The following TOGARAM2 variants were observed in gnomAD, a reference collection of about 807,000 sequenced individuals.
TOGARAM2 encodes TOG array regulator of axonemal microtubules 2.
Under a neutral mutation model 93.3 loss-of-function variants are expected in TOGARAM2, and 85 were observed. The ratio of observed to expected loss-of-function variants is 0.91; its 90% CI spans 0.76 to 1.09. The LOEUF (loss-of-function observed/expected upper bound fraction) is 1.09. Ranked by LOEUF, TOGARAM2 falls within the 50% of genes least tolerant of loss-of-function variation. TOGARAM2 has a pLI of 0.00. For missense variants in TOGARAM2, 1,277 were observed against 1,334.5 expected, an observed-to-expected ratio of 0.96 and a Z score of 0.67; for synonymous variants, 593 against 552.8, an observed-to-expected ratio of 1.07 and a Z score of -1.02.
chr2:29,044,582 C>T (rs575980641), intron 18 of TOGARAM2, among the ~76,000 whole-genome samples: 1 of 152,154 alleles, frequency 6.6e-6, no homozygotes, highest in African/African-American at 2.4e-5. Flanking sequence ...GACCTGCAGG[C>T]TTTTGGTTAC....
At chr2:28,998,357 T>C (rs1321982646) in intron 3 of TOGARAM2, 104 bp downstream of exon 3, 1 of 735,476 alleles carries the variant, frequency 1.4e-6, no homozygotes. Flanking sequence ...CAGCAGGTGT[T>C]ATTTTTCCTG....
chr2:29,017,903 T>C lies in TOGARAM2; in HGVS notation c.1307T>C (p.Leu436Pro), dbSNP rs192390933. ...AGGAAGTGGGCCAGCCGGGCCTCCCTGCCCAGCATCCCCATCAGCCGGCAG... is the reference window on the plus strand; with the variant it reads ...AGGAAGTGGGCCAGCCGGGCCTCCCCGCCCAGCATCCCCATCAGCCGGCAG... The part of the protein sequence containing the change: ...ILRKWASRAS[L>P]PSIPISRQEP... Residue 436 changes from leucine to proline, a missense_variant, in exon 10 of 20, where the codon CTG (leucine) becomes CCG (proline). Transcript: ENST00000379558. 1,359 of 1,612,276 alleles carry C rather than the reference T, an allele frequency of 8.4e-4. 12 individuals carry two copies. The African/African-American group carries it at 0.016, about 19-fold the overall frequency.
chr2:29,014,524 C>T lies in TOGARAM2; in HGVS notation c.1007C>T (p.Pro336Leu), dbSNP rs777213644. The change falls in exon 8 of 20, where the codon CCG becomes CTG. Residue 336 changes from proline to leucine, a missense_variant. By Grantham distance (98) the Pro-to-Leu change is moderately conservative (BLOSUM62 -3). Coordinates refer to ENST00000379558, the MANE Select transcript of TOGARAM2 (RefSeq NM_199280.4). ...GACTGTGCCAGAGAAGCCTGCCCTC[C>T]GCTGAAAGAAGAGGACCAGAAGGAG... ...SFDCAREACPPLKEEDQKEIG... is the reference protein window; with the variant it reads ...SFDCAREACPLLKEEDQKEIG... 3.2e-5 allele frequency: 51 copies of T among 1,573,210 alleles called. No homozygotes were observed. Among genetic ancestry groups the T allele is most frequent in the Middle Eastern group, 1.7e-4 (1 of 6,040 alleles).
intron 4 of TOGARAM2, among the ~76,000 whole-genome samples, chr2:29,001,979 G>A (rs1334903143): frequency 2.0e-5 from 3 of 152,150 alleles, no homozygotes; most frequent in African/African-American, 7.2e-5. Context: ...AGATGGGGTG[G>A]GGCACAGGGC....
chr2:28,976,563 G>C (rs549391314), upstream of TOGARAM2, among the ~76,000 whole-genome samples: 12 of 152,302 alleles, frequency 7.9e-5, no homozygotes, highest in Non-Finnish European at 1.5e-4. Context: ...AGGAGGGAGA[G>C]GCACACCCCA....
intron 7 of TOGARAM2, among the ~76,000 whole-genome samples, chr2:29,013,036 G>C (rs777740622): frequency 6.6e-6 from 1 of 152,234 alleles, no homozygotes; most frequent in Non-Finnish European, 1.5e-5. Flanking sequence ...CCAGAGGTAA[G>C]ATGCCTTTTC....
At chr2:28,957,553 A>G (rs950758600) in intron 1 of TOGARAM2, among the ~76,000 whole-genome samples, 2 of 152,234 alleles carry the variant, frequency 1.3e-5, no homozygotes, top group African/African-American at 4.8e-5. Context: ...TACAATGATG[A>G]TGATTTTTTA....
chr2:28,980,510 G>T (rs1672138075), upstream of TOGARAM2, among the ~76,000 whole-genome samples: 1 of 152,232 alleles, frequency 6.6e-6, no homozygotes, highest in Non-Finnish European at 1.5e-5. Context: ...CATACAAATT[G>T]AGTCCTTGGC....
chr2:29,030,863 C>A lies in TOGARAM2; in HGVS notation c.2013-2071C>A, dbSNP rs147887465. On this transcript the variant is annotated intron_variant, in intron 14 of 19. Transcript: ENST00000379558. Reference sequence around the variant, plus strand: ...CGAGCATCAGTCCCCATTTCTAAAGCCTCCATGGGACCCACCATCTGATGT... The same window carrying A: ...CGAGCATCAGTCCCCATTTCTAAAGACTCCATGGGACCCACCATCTGATGT... Among the ~76,000 whole-genome samples the A allele has an allele frequency of 3.2e-3, 494 of 152,296 alleles. 2 individuals are homozygous for A. Among genetic ancestry groups the A allele is most frequent in the African/African-American group, 0.011 (470 of 41,550 alleles).
At chr2:29,042,890 G>T (rs1178825655) in intron 18 of TOGARAM2, among the ~76,000 whole-genome samples, 1 of 152,230 alleles carries the variant, frequency 6.6e-6, no homozygotes, top group Non-Finnish European at 1.5e-5. Flanking sequence ...CCCATGTTAC[G>T]ACTGTGATAA....
At chr2:29,045,805 C>T (rs538251503) in intron 19 of TOGARAM2, 1 of 253,488 alleles carries the variant, frequency 3.9e-6, no homozygotes, top group South Asian at 4.3e-5. Flanking sequence ...GAAAATATTC[C>T]AAAATCAGAA....
At chr2:28,960,386 A>T (rs915280009) in intron 1 of TOGARAM2, among the ~76,000 whole-genome samples, 5 of 151,920 alleles carry the variant, frequency 3.3e-5, no homozygotes, top group African/African-American at 1.2e-4. Flanking sequence ...TTAATTTTTA[A>T]TTTTTTTTGA....
intron 1 of TOGARAM2, among the ~76,000 whole-genome samples, chr2:28,990,991 GGTGTGTGTGTGTGTGTGTGT>G (rs70958233): frequency 1.5e-4 from 18 of 119,810 alleles, no homozygotes; most frequent in South Asian, 9.6e-4. Context: ...GTGTGTGAAG[GGTGTGTGTGTGTGTGTGTGT>G]GTGTGTGTGT....
intron 5 of TOGARAM2, 134 bp from the exon 6 acceptor site, chr2:29,003,358 C>A: frequency 3.1e-6 from 2 of 642,244 alleles, no homozygotes; most frequent in Non-Finnish European, 4.8e-6. Context: ...AGGAAGCAGT[C>A]AGGCTTCTGG....
rs1252386227 is a variant in TOGARAM2, at chr2:29,024,260, A to T, written c.1739A>T (p.Lys580Met). 1.9e-6 allele frequency: 3 copies of T among 1,612,922 alleles called. No individual in the cohort carries two copies. Among genetic ancestry groups the T allele is most frequent in the Admixed American group, 1.7e-5 (1 of 59,906 alleles). The change falls in exon 13 of 20, where the codon AAG becomes ATG. Residue 580 changes from lysine (K) to methionine (M), a missense_variant. Physicochemically the swap from Lys to Met is moderately conservative, Grantham distance 95. Transcript: ENST00000379558. ...AEEIARCLLQ[K>M]MADTNEFIQR... ...GAGATCGCCCGCTGCTTGCTGCAGAAGATGGCGGACACCAACGAGTTCATC... is the reference window on the plus strand; with the variant it reads ...GAGATCGCCCGCTGCTTGCTGCAGATGATGGCGGACACCAACGAGTTCATC...
chr2:28,992,678 C>A (rs1388696355), intron 1 of TOGARAM2, among the ~76,000 whole-genome samples: 1 of 152,046 alleles, frequency 6.6e-6, no homozygotes, highest in Non-Finnish European at 1.5e-5. Flanking sequence ...ATTCTGACAG[C>A]CTAGGGTAAG....
intron 1 of TOGARAM2, among the ~76,000 whole-genome samples, chr2:28,973,380 CTTCCTT>C (rs1671976184): frequency 1.9e-4 from 10 of 52,698 alleles, no homozygotes; most frequent in Admixed American, 4.6e-4. Context: ...CCTTCCCTTC[CTTCCTT>C]CTTTCCTCCC....
intron 14 of TOGARAM2, among the ~76,000 whole-genome samples, chr2:29,032,430 T>C (rs1572758499): frequency 6.6e-6 from 1 of 152,326 alleles, no homozygotes; most frequent in South Asian, 2.1e-4. Flanking sequence ...CTTGATTCCC[T>C]CACCTGCCAC....
chr2:28,983,181 T>TATAAATAA (rs1553334852), intron 1 of TOGARAM2, among the ~76,000 whole-genome samples: 2 of 32,598 alleles, frequency 6.1e-5, no homozygotes. Flanking sequence ...TATATAAATA[T>TATAAATAA]ATATATATAT....
Sources: gnomAD v4.1 joint callset for allele counts (sites outside exome capture counted in the v4.1 genomes callset) on GRCh38, gnomAD v4.1.1 for gene constraint, MANE v1.5 for transcripts, NCBI Gene and HGNC (gene_info 2026-07-23, HGNC 2026-07-21) for gene names.